COL23A1: variants seen among roughly 807,000 people sequenced by gnomAD.
The protein encoded by COL23A1 is collagen alpha-1(XXIII) chain.
COL23A1 carries 97 observed loss-of-function variants against 99.3 expected under a neutral mutation model. That is an observed-to-expected ratio of 0.98 (90% CI 0.83 to 1.16). COL23A1 has a LOEUF of 1.16. COL23A1 is among the 50% of genes most tolerant of loss of function. COL23A1 has a pLI of 0.00. For synonymous variants in COL23A1, 320 were observed against 308.2 expected (o/e 1.04, Z -0.40); for missense variants, 762 against 757.4 (o/e 1.01, Z -0.07).
chr5:178,275,154 T>C (rs535122174), intron 5 of COL23A1, among the ~76,000 whole-genome samples: 18 of 152,328 alleles, frequency 1.2e-4, no homozygotes, highest in African/African-American at 4.3e-4. Context: ...GTTTCCTCAT[T>C]TGTGAAATGC....
intron 2 of COL23A1, among the ~76,000 whole-genome samples, chr5:178,534,491 C>T (rs1044653638): frequency 3.8e-4 from 57 of 151,202 alleles, no homozygotes; most frequent in African/African-American, 1.3e-3. Flanking sequence ...TCAGAAATAG[C>T]GCACAGAGGC....
intron 3 of COL23A1, among the ~76,000 whole-genome samples, chr5:178,300,973 A>G (rs1758001999): frequency 6.6e-6 from 1 of 151,900 alleles, no homozygotes; most frequent in African/African-American, 2.4e-5. Context: ...GTGTAGATTA[A>G]TGGTTTTCTT....
At chr5:178,552,573 T>C (rs1762052727) in intron 2 of COL23A1, among the ~76,000 whole-genome samples, 2 of 152,044 alleles carry the variant, frequency 1.3e-5, no homozygotes, top group South Asian at 2.1e-4. Flanking sequence ...ATTTCTTGCA[T>C]TGAAATCCTA....
intron 4 of COL23A1, 35 bp downstream of exon 4, chr5:178,290,327 T>C: frequency 6.2e-7 from 1 of 1,613,902 alleles, no homozygotes; most frequent in Non-Finnish European, 8.5e-7. Flanking sequence ...ACATCTTATC[T>C]TTCAGAAGCA....
intron 2 of COL23A1, among the ~76,000 whole-genome samples, chr5:178,322,689 T>A (rs1759395620): frequency 6.6e-6 from 1 of 152,114 alleles, no homozygotes; most frequent in Non-Finnish European, 1.5e-5. Context: ...TTCCTCCGTC[T>A]CAAAATGGGC....
chr5:178,275,893 C>G (rs1216815599), intron 5 of COL23A1, among the ~76,000 whole-genome samples: 1 of 152,168 alleles, frequency 6.6e-6, no homozygotes, highest in Non-Finnish European at 1.5e-5. Context: ...CTTAAACACC[C>G]TGGCCCAGAA....
intron 2 of COL23A1, among the ~76,000 whole-genome samples, chr5:178,534,445 G>C (rs1418195375): frequency 6.6e-6 from 1 of 152,262 alleles, no homozygotes; most frequent in South Asian, 2.1e-4. Flanking sequence ...GTAAGGGAGG[G>C]GGCACTGGGC....
At chr5:178,326,998 G>A (rs576947507) in intron 2 of COL23A1, among the ~76,000 whole-genome samples, 17 of 152,366 alleles carry the variant, frequency 1.1e-4, no homozygotes, top group South Asian at 6.2e-4. Flanking sequence ...GATTACAGGC[G>A]TGAGCCACTG....
intron 20 of COL23A1, 86 bp from the exon 21 acceptor site, chr5:178,247,917 G>A (rs1465436150): frequency 2.1e-5 from 25 of 1,203,806 alleles, no homozygotes; most frequent in East Asian, 1.5e-4. Flanking sequence ...CTGCTGGATC[G>A]AGAGTCTCCT....
intron 2 of COL23A1, among the ~76,000 whole-genome samples, chr5:178,509,014 A>C (rs1172689471): frequency 6.6e-6 from 1 of 152,192 alleles, no homozygotes; most frequent in Non-Finnish European, 1.5e-5. Context: ...TCAGATGCCA[A>C]AGTGAAACAA....
chr5:178,429,758 C>A (rs903233001), intron 2 of COL23A1, among the ~76,000 whole-genome samples: 4 of 152,176 alleles, frequency 2.6e-5, no homozygotes, highest in Admixed American at 6.5e-5. Flanking sequence ...TCCCTCCCTG[C>A]ACCACCCTCT....
chr5:178,312,852 C>T (rs867535367), intron 2 of COL23A1, among the ~76,000 whole-genome samples: 24 of 152,324 alleles, frequency 1.6e-4, no homozygotes, highest in African/African-American at 5.5e-4. Flanking sequence ...TTTCATTTCT[C>T]TCTACTCTTT....
At chr5:178,386,789 G>A (rs1418719539) in intron 2 of COL23A1, among the ~76,000 whole-genome samples, 1 of 152,152 alleles carries the variant, frequency 6.6e-6, no homozygotes, top group Non-Finnish European at 1.5e-5. Flanking sequence ...CGGTTCCTGG[G>A]GAGCAAGAGC....
At chr5:178,292,933 G>A (rs1757540699) in intron 3 of COL23A1, among the ~76,000 whole-genome samples, 2 of 152,132 alleles carry the variant, frequency 1.3e-5, no homozygotes, top group African/African-American at 4.8e-5. Flanking sequence ...CCTGTGCACA[G>A]GACGAAGTAA....
rs1349758803 is a variant in COL23A1, at chr5:178,470,801, C to A, written c.361+89881G>T. Among the ~76,000 whole-genome samples, 6 of 152,318 alleles carry A rather than the reference C, an allele frequency of 3.9e-5. No individual in the cohort carries two copies. The South Asian group carries it at 1.2e-3, about 32-fold the overall frequency. ...CCAGATACCTCCTGTCTCAAGGAGC[C>A]CACCGCCTCCAGGGCCCCACTGAGC... On this transcript the variant is annotated intron_variant, in intron 2 of 28. Coordinates refer to ENST00000390654, the MANE Select transcript of COL23A1 (RefSeq NM_173465.4).
intron 2 of COL23A1, among the ~76,000 whole-genome samples, chr5:178,473,306 A>T (rs1287700832): frequency 6.6e-6 from 1 of 151,796 alleles, no homozygotes; most frequent in Non-Finnish European, 1.5e-5. Context: ...ATTTGACTTT[A>T]TTTTTGTAGA....
rs970702238 is a variant in COL23A1 at position 178,249,752 on chromosome 5, G to A, written c.1059+309C>T. Among the ~76,000 whole-genome samples the A allele has an allele frequency of 1.3e-4, 11 of 84,552 alleles. No individual in the cohort carries two copies. In the East Asian group the frequency reaches 1.8e-3, roughly 14 times the overall value. The allele number at this position is 84,552 out of a possible 152,430, so 55.5% of individuals were successfully genotyped here. A position where few individuals can be genotyped will look rare whatever the true frequency, so the allele number is the denominator to read the frequency against. On this transcript the variant is annotated intron_variant, in intron 18 of 28. Transcript: ENST00000390654. The stretch of plus-strand genomic sequence containing the variant: ...CTCTCTCTCTCTCTCTCTCTCTCTC[G>A]AATTGGGGCAATACCTACAATGCTC...
chr5:178,501,641 C>T (rs1304039045), intron 2 of COL23A1, among the ~76,000 whole-genome samples: 1 of 152,124 alleles, frequency 6.6e-6, no homozygotes, highest in African/African-American at 2.4e-5. Context: ...AAGGGGCATC[C>T]TGGTATGATA....
At chr5:178,374,267 C>A (rs1220009044) in intron 2 of COL23A1, among the ~76,000 whole-genome samples, 2 of 152,116 alleles carry the variant, frequency 1.3e-5, no homozygotes, top group Non-Finnish European at 2.9e-5. Flanking sequence ...CCCTCTGCAA[C>A]CCTTCTATCC....
Sources: gnomAD v4.1 joint callset for allele counts (sites outside exome capture counted in the v4.1 genomes callset) on GRCh38, gnomAD v4.1.1 for gene constraint, MANE v1.5 for transcripts, NCBI Gene and HGNC (gene_info 2026-07-23, HGNC 2026-07-21) for gene names.